Variants in POU6F2 observed in about 807,000 individuals in gnomAD.
The protein encoded by POU6F2 is POU class 6 homeobox 2.
POU6F2 carries 31 observed loss-of-function variants against 71.3 expected under a neutral mutation model. That is an observed-to-expected ratio of 0.43 (90% confidence interval 0.33 to 0.59). POU6F2 has a LOEUF of 0.59. POU6F2 is among the 20% of genes least tolerant of loss of function. The probability of loss-of-function intolerance (pLI) is 0.04; values close to 1 mark genes in which losing one functional copy is unlikely to be tolerated. For missense variants in POU6F2, 783 were observed against 856.8 expected, an observed-to-expected ratio of 0.91 and a Z score of 1.07; for synonymous variants, 347 against 355.7, an observed-to-expected ratio of 0.98 and a Z score of 0.27.
At chr7:39,030,543 T>TACATAC (rs1789918513) in intron 1 of POU6F2, among the ~76,000 whole-genome samples, 1 of 88,018 alleles carries the variant, frequency 1.1e-5, no homozygotes, top group African/African-American at 3.9e-5. Flanking sequence ...TATATATATA[T>TACATAC]ACACACACAT....
chr7:39,207,800 C>T (rs541221002), intron 4 of POU6F2, among the ~76,000 whole-genome samples, 180 bp downstream of exon 4: 1 of 152,184 alleles, frequency 6.6e-6, no homozygotes, highest in Non-Finnish European at 1.5e-5. Context: ...CCTGAGCCTG[C>T]ACAAGCCATT....
intron 2 of POU6F2, among the ~76,000 whole-genome samples, chr7:39,163,817 G>T (rs1793051473): frequency 6.6e-6 from 1 of 152,142 alleles, no homozygotes; most frequent in Non-Finnish European, 1.5e-5. Context: ...ATACACAACG[G>T]AATACTATTC....
intron 2 of POU6F2, among the ~76,000 whole-genome samples, chr7:39,203,904 A>G (rs1429086572): frequency 2.6e-5 from 4 of 152,182 alleles, no homozygotes; most frequent in Non-Finnish European, 5.9e-5. Context: ...AGACTTGGTC[A>G]TATCTGAGAT....
intron 7 of POU6F2, among the ~76,000 whole-genome samples, chr7:39,434,941 T>A (rs1044903532): frequency 6.6e-6 from 1 of 152,210 alleles, no homozygotes; most frequent in Admixed American, 6.5e-5. Context: ...GCTTCATCCA[T>A]ATCCCTGCAA....
intron 2 of POU6F2, among the ~76,000 whole-genome samples, chr7:39,201,854 C>T (rs951107605): frequency 6.6e-6 from 1 of 152,160 alleles, no homozygotes; most frequent in East Asian, 1.9e-4. Flanking sequence ...TCTGAGAAGG[C>T]CCCTGATTCC....
chr7:39,285,594 A>G (rs892084287), intron 4 of POU6F2, among the ~76,000 whole-genome samples: 2 of 152,222 alleles, frequency 1.3e-5, no homozygotes, highest in Non-Finnish European at 2.9e-5. Context: ...ATGGATTTCA[A>G]CATTTTGTAA....
At chr7:39,113,641 T>C (rs1165987212) in intron 2 of POU6F2, among the ~76,000 whole-genome samples, 2 of 152,192 alleles carry the variant, frequency 1.3e-5, no homozygotes, top group African/African-American at 4.8e-5. Flanking sequence ...ATTACATCTC[T>C]CTTCTTAGGT....
Position 39,465,582 on chromosome 7 carries a change from T to A in POU6F2, c.*896T>A, listed in dbSNP as rs1464150130. 6.6e-6 allele frequency: 1 copy of A among 152,194 alleles called. No individual in the cohort carries two copies. 9.4% of individuals were successfully genotyped at this position (152,194 alleles called of 1,614,324 possible). ...CTTTTCCTCCATTTCTCCATCTCCC[T>A]CGCGCGTGGCTCCTGGGGTCTGCTG... On this transcript the variant is annotated 3_prime_UTR_variant, in exon 10 of 10. Coordinates refer to ENST00000518318, the MANE Select transcript of POU6F2 (RefSeq NM_001370959.1).
intron 2 of POU6F2, among the ~76,000 whole-genome samples, chr7:39,147,743 A>C (rs900607455): frequency 6.6e-6 from 1 of 152,130 alleles, no homozygotes; most frequent in African/African-American, 2.4e-5. Context: ...GAGGAAATCA[A>C]CTTCTCTCAA....
intron 1 of POU6F2, among the ~76,000 whole-genome samples, chr7:39,071,654 AACACACAC>A (rs10522287): frequency 0.038 from 5,346 of 141,976 alleles, 135 homozygotes; most frequent in Middle Eastern, 0.074. Context: ...TCTCTAAAGA[AACACACAC>A]ACACACACAC....
chr7:39,399,871 AGAAAGAAAGAAAG>A (rs1787258690), intron 5 of POU6F2, among the ~76,000 whole-genome samples: 1 of 148,318 alleles, frequency 6.7e-6, no homozygotes. Context: ...AAAAAAAAAA[AGAAAGAAAGAAAG>A]AAAAAGAAAA....
At chr7:39,068,598 TGAA>T (rs1474266139) in intron 1 of POU6F2, among the ~76,000 whole-genome samples, 1 of 151,990 alleles carries the variant, frequency 6.6e-6, no homozygotes, top group Non-Finnish European at 1.5e-5. Context: ...ACTGTCAAGT[TGAA>T]GAGCAATTTT....
At position 39,464,398 on chromosome 7, in the gene POU6F2, G is replaced by C. The variant is rs200692209; in HGVS notation, c.1875G>C (p.Leu625=). Residue 625 remains leucine, a synonymous_variant, in exon 10 of 10, where the codon CTG becomes CTC. Coordinates refer to ENST00000518318, the MANE Select transcript of POU6F2 (RefSeq NM_001370959.1). This position sits in a 1 kb window ranked among gnomAD's most constrained non-coding sequence, Gnocchi z 4.1. ...GCCATCGAGCAGGTATGCAGAACCT[G>C]ACCGAGTTTATCGGGAGTGAACCAT... ...EARHRAGMQN[L]TEFIGSEPSK... 26 of 1,613,994 alleles carry C rather than the reference G, an allele frequency of 1.6e-5. No individual in the cohort carries two copies. In the East Asian group the frequency reaches 3.8e-4, roughly 24 times the overall value.
intron 5 of POU6F2, among the ~76,000 whole-genome samples, chr7:39,350,493 A>T (rs776305283): frequency 7.2e-5 from 11 of 152,230 alleles, no homozygotes; most frequent in Non-Finnish European, 1.5e-4. Flanking sequence ...AATATTCCTT[A>T]GAGCAGTTCT....
chr7:39,436,825 A>C (rs1328300195), intron 7 of POU6F2, among the ~76,000 whole-genome samples: 3 of 152,220 alleles, frequency 2.0e-5, no homozygotes, highest in Non-Finnish European at 4.4e-5. Context: ...GAGAGCTTTT[A>C]ACATGAAGGG....
At chr7:39,214,136 A>C (rs181010888) in intron 4 of POU6F2, among the ~76,000 whole-genome samples, 2 of 152,250 alleles carry the variant, frequency 1.3e-5, no homozygotes, top group East Asian at 3.9e-4. Context: ...TCCAAGACAG[A>C]CATCTTGAAT....
chr7:39,203,867 G>A (rs976264410), intron 2 of POU6F2, among the ~76,000 whole-genome samples: 2 of 152,154 alleles, frequency 1.3e-5, no homozygotes, highest in Non-Finnish European at 2.9e-5. Flanking sequence ...AGGAGATGGG[G>A]AAAGCCATAT....
rs1275213404 is a variant in POU6F2 at position 38,982,166 on chromosome 7, C to T, written c.105+4108C>T. 3.3e-5 allele frequency among the ~76,000 whole-genome samples: 5 copies of T among 152,036 alleles called. No individual in the cohort carries two copies. The East Asian group carries it at 9.7e-4, about 29-fold the overall frequency. ...AAATGAAACACTGGGGCTAACCTAACCCTGTTTTACTCATGTGAAGCATAA... is the reference window on the plus strand; with the variant it reads ...AAATGAAACACTGGGGCTAACCTAATCCTGTTTTACTCATGTGAAGCATAA... On this transcript the variant is annotated intron_variant, in intron 1 of 9. Coordinates refer to ENST00000518318, the MANE Select transcript of POU6F2 (RefSeq NM_001370959.1).
chr7:39,275,824 G>C (rs1039312235), intron 4 of POU6F2, among the ~76,000 whole-genome samples: 2 of 151,658 alleles, frequency 1.3e-5, no homozygotes, highest in African/African-American at 4.8e-5. Flanking sequence ...TTTAATAAAT[G>C]GTGCTGGGAA....
Sources: gnomAD v4.1 joint callset for allele counts (sites outside exome capture counted in the v4.1 genomes callset) on GRCh38, gnomAD v4.1.1 for gene constraint, Gnocchi (gnomAD v3.1) non-coding constraint, MANE v1.5 for transcripts, NCBI Gene and HGNC (gene_info 2026-07-23, HGNC 2026-07-21) for gene names.